The following CTNNA2 variants were observed in gnomAD, a reference collection of about 807,000 sequenced individuals.
CTNNA2 encodes the protein catenin alpha 2, also known as catenin alpha-2.
Under a neutral mutation model 101.0 loss-of-function variants are expected in CTNNA2, and 42 were observed. The observed-to-expected ratio is 0.42, with a 90% CI of 0.32 to 0.54. The LOEUF (loss-of-function observed/expected upper bound fraction) is 0.54. Among genes scored for constraint, CTNNA2 ranks in the 20% least tolerant of loss-of-function variants. The pLI, the probability that CTNNA2 is intolerant of heterozygous loss-of-function variation, is 0.14. For missense variants in CTNNA2, 871 were observed against 1,223.1 expected (o/e 0.71, Z 4.29); for synonymous variants, 450 against 456.4 (o/e 0.99, Z 0.18).
intron 17 of CTNNA2, among the ~76,000 whole-genome samples, chr2:80,609,850 C>T (rs949694060): frequency 6.6e-6 from 1 of 151,748 alleles, no homozygotes; most frequent in Non-Finnish European, 1.5e-5. Context: ...AGCCGCTCTC[C>T]ATCATCCTCT....
chr2:80,005,143 A>C (rs1693243299), intron 7 of CTNNA2, among the ~76,000 whole-genome samples: 1 of 152,218 alleles, frequency 6.6e-6, no homozygotes, highest in Admixed American at 6.5e-5. Flanking sequence ...GAAGTGCTGG[A>C]TTGCAGGAAA....
intron 1 of CTNNA2, among the ~76,000 whole-genome samples, chr2:79,626,850 G>T (rs1415566184): frequency 6.6e-6 from 1 of 151,770 alleles, no homozygotes; most frequent in Non-Finnish European, 1.5e-5. Context: ...CTGAGATGAG[G>T]GCAGGGAGAT....
intron 18 of CTNNA2, among the ~76,000 whole-genome samples, chr2:80,621,231 C>G (rs1020933786): frequency 6.6e-6 from 1 of 151,722 alleles, no homozygotes; most frequent in Non-Finnish European, 1.5e-5. Context: ...CATCCCTGCT[C>G]TAAAAATCTA....
Position 80,636,806 on chromosome 2 carries a change from C to T in CTNNA2, c.2575-10779C>T, listed in dbSNP as rs187262985. On this transcript the variant is annotated intron_variant, in intron 18 of 18. Transcript: ENST00000402739. ...TAGAGCCACCTTGACTCTCTATTAT[C>T]AATATTCCTTACCAAGTCCTAAATG... Among the ~76,000 whole-genome samples, 302 of 152,204 alleles carry T rather than the reference C, an allele frequency of 2.0e-3. 5 individuals are homozygous for T. The highest frequency in any genetic ancestry group is 4.6e-4 in the Non-Finnish European group (31 of 68,016).
chr2:79,583,583 G>T (rs931749437), intron 1 of CTNNA2, among the ~76,000 whole-genome samples: 2 of 151,998 alleles, frequency 1.3e-5, no homozygotes, highest in African/African-American at 4.8e-5. Context: ...TGTATGTTTA[G>T]CCTTATGCAA....
At chr2:79,881,426 A>G (rs1031565501) in intron 6 of CTNNA2, among the ~76,000 whole-genome samples, 4 of 152,108 alleles carry the variant, frequency 2.6e-5, no homozygotes, top group African/African-American at 7.2e-5. Flanking sequence ...GTCTCTCACT[A>G]TTATTGTGTG....
chr2:80,186,555 T>A (rs1706141787), intron 7 of CTNNA2, among the ~76,000 whole-genome samples: 1 of 152,220 alleles, frequency 6.6e-6, no homozygotes, highest in Admixed American at 6.5e-5. Context: ...CATAGTTAAA[T>A]GTCAGAACAC....
At chr2:79,229,244 A>G (rs1395534434) in intron 2 of CTNNA2, among the ~76,000 whole-genome samples, 1 of 152,052 alleles carries the variant, frequency 6.6e-6, no homozygotes, top group Non-Finnish European at 1.5e-5. Context: ...ATTTAGGCTG[A>G]TATGGTTTGG....
chr2:80,399,541 A>G (rs894140351), intron 8 of CTNNA2, among the ~76,000 whole-genome samples: 1 of 152,196 alleles, frequency 6.6e-6, no homozygotes, highest in Non-Finnish European at 1.5e-5. Flanking sequence ...AGAGGGATCT[A>G]TAACGTAAGT....
rs375561151 is a variant in CTNNA2, at chr2:79,466,026, C to A, written c.-134-39028C>A. Among the ~76,000 whole-genome samples, 5 of 152,304 alleles carry A rather than the reference C, an allele frequency of 3.3e-5. No individual in the cohort carries two copies. In the East Asian group the frequency reaches 9.7e-4, roughly 29 times the overall value. On this transcript the variant is annotated intron_variant, in intron 4 of 21. Coordinates refer to the CTNNA2 transcript ENST00000466387. ...CTGGGTTCATCTCACTGGGGCTTGT[C>A]GGACAGTGGGTGCAGGACAGTGGGT...
intron 2 of CTNNA2, among the ~76,000 whole-genome samples, chr2:79,714,678 G>C (rs1003627402): frequency 6.6e-6 from 1 of 152,074 alleles, no homozygotes; most frequent in African/African-American, 2.4e-5. Context: ...TCTGTGTAGG[G>C]CACTGGGGGT....
At chr2:80,245,984 CG>C (rs1240577665) in intron 7 of CTNNA2, among the ~76,000 whole-genome samples, 1 of 151,476 alleles carries the variant, frequency 6.6e-6, no homozygotes, top group Non-Finnish European at 1.5e-5. Context: ...TTAGTAGAGA[CG>C]GGGTGTCACC....
chr2:79,302,459 A>G (rs557604713), intron 2 of CTNNA2, among the ~76,000 whole-genome samples: 14 of 152,314 alleles, frequency 9.2e-5, no homozygotes, highest in African/African-American at 3.4e-4. Context: ...TGGGAGAGGC[A>G]GAACAGAGTT....
chr2:79,943,131 C>T (rs1340959977), intron 7 of CTNNA2, among the ~76,000 whole-genome samples: 1 of 152,090 alleles, frequency 6.6e-6, no homozygotes, highest in African/African-American at 2.4e-5. Flanking sequence ...GCCAGAGAAT[C>T]GCTTGAACCT....
At chr2:80,337,808 G>C (rs1573762551) in intron 7 of CTNNA2, among the ~76,000 whole-genome samples, 1 of 152,250 alleles carries the variant, frequency 6.6e-6, no homozygotes, top group East Asian at 1.9e-4. Flanking sequence ...TCAAAAGGTA[G>C]AGACAAGTCA....
At chr2:80,139,354 C>G (rs1210795189) in intron 7 of CTNNA2, among the ~76,000 whole-genome samples, 1 of 152,142 alleles carries the variant, frequency 6.6e-6, no homozygotes, top group African/African-American at 2.4e-5. Flanking sequence ...TATACAATAT[C>G]TGCTCTTGGA....
At position 80,303,952 on chromosome 2, in the gene CTNNA2, T is replaced by C; in HGVS notation, c.1057-89259T>C. The stretch of plus-strand genomic sequence containing the variant: ...AAGGGCAAAAAATCAAATAAATACA[T>C]AGAAATAAAGAAGGACCCCCCTCCC... On this transcript the variant is annotated intron_variant, in intron 7 of 18. Coordinates refer to ENST00000402739, the MANE Select transcript of CTNNA2 (RefSeq NM_001282597.3). This position sits in a 1 kb window ranked among gnomAD's most constrained non-coding sequence, Gnocchi z 7.7. 9.1e-7 allele frequency: 1 copy of C among 1,098,376 alleles called. No homozygotes were observed. The allele number at this position is 1,098,376 out of a possible 1,614,324, so 68.0% of individuals were successfully genotyped here.
chr2:80,639,546 T>TGTGTGTGTG (rs1673242502), intron 18 of CTNNA2, among the ~76,000 whole-genome samples: 2 of 151,946 alleles, frequency 1.3e-5, no homozygotes, highest in Admixed American at 6.6e-5. Context: ...TGTGTCTGTG[T>TGTGTGTGTG]TTTTAACAAT....
At chr2:80,369,139 A>C (rs1422645250) in intron 7 of CTNNA2, among the ~76,000 whole-genome samples, 1 of 152,086 alleles carries the variant, frequency 6.6e-6, no homozygotes, top group East Asian at 1.9e-4. Context: ...AAGAGGAGTG[A>C]GAGGTGCCTG....
Sources: gnomAD v4.1 joint callset for allele counts (sites outside exome capture counted in the v4.1 genomes callset) on GRCh38, gnomAD v4.1.1 for gene constraint, Gnocchi (gnomAD v3.1) non-coding constraint, MANE v1.5 for transcripts, NCBI Gene and HGNC (gene_info 2026-07-23, HGNC 2026-07-21) for gene names.